The following USP28 variants were observed in gnomAD, a reference collection of about 807,000 sequenced individuals.
The protein encoded by USP28 is ubiquitin specific peptidase 28.
A neutral mutation model predicts 145.0 loss-of-function variants in USP28; 113 were observed. That is an observed-to-expected ratio of 0.78 (90% CI 0.67 to 0.91). USP28 has a LOEUF of 0.91. Ranked by LOEUF, USP28 falls within the 40% of genes least tolerant of loss-of-function variation. The pLI, the probability that USP28 is intolerant of heterozygous loss-of-function variation, is 0.00. For missense variants in USP28, 1,201 were observed against 1,289.6 expected, an observed-to-expected ratio of 0.93 and a Z score of 1.05; for synonymous variants, 447 against 450.9, an observed-to-expected ratio of 0.99 and a Z score of 0.11.
At chr11:113,811,428 C>G (rs1029499130) in intron 16 of USP28, among the ~76,000 whole-genome samples, 3 of 152,254 alleles carry the variant, frequency 2.0e-5, no homozygotes, top group Admixed American at 6.5e-5. Flanking sequence ...GGCCCCACAA[C>G]TGTAATCCCA....
chr11:113,805,196 A>C lies in USP28; in HGVS notation c.2401-150T>G, dbSNP rs1388779509. ...TACAAAAACAACTATGGAATTTTTAAGTTTCTTGCATTTCATAAGGGATGA... is the reference window on the plus strand; with the variant it reads ...TACAAAAACAACTATGGAATTTTTACGTTTCTTGCATTTCATAAGGGATGA... On this transcript the variant is annotated intron_variant, in intron 19 of 24. Coordinates refer to ENST00000003302, the Ensembl canonical transcript of USP28. The C allele has an allele frequency of 9.4e-6, 7 of 741,180 alleles. No individual in the cohort carries two copies. In the East Asian group the frequency reaches 2.0e-4, roughly 21 times the overall value. 45.9% of individuals were successfully genotyped at this position (741,180 alleles called of 1,614,324 possible).
intron 5 of USP28, 94 bp from the exon 6 acceptor site, chr11:113,834,429 A>G: frequency 1.2e-6 from 1 of 843,208 alleles, no homozygotes; most frequent in Non-Finnish European, 1.7e-6. Context: ...TTTCATATTT[A>G]AAAGTATGCA....
Position 113,840,795 on chromosome 11 carries a change from T to C in USP28, c.375-38A>G, listed in dbSNP as rs375155186. ...GCGTGCCACACAGCAAAAAAGAAAA[T>C]AGTTAAAGAATAATATAGCATATGG... On this transcript the variant is annotated intron_variant, in intron 4 of 24. Transcript: ENST00000003302. 30 of 1,588,578 alleles carry C rather than the reference T, an allele frequency of 1.9e-5. No individual in the cohort carries two copies. In the African/African-American group the frequency reaches 4.1e-4, roughly 22 times the overall value.
Position 113,801,477 on chromosome 11 carries a change from A to T in USP28, c.3058+6T>A, listed in dbSNP as rs200554152. ...ACCTCAGAATATTATTACCAAGAGCATATACCTGCAATATCTTGCCCAAGG... is the reference window on the plus strand; with the variant it reads ...ACCTCAGAATATTATTACCAAGAGCTTATACCTGCAATATCTTGCCCAAGG... On this transcript the variant is annotated splice_donor_region_variant and intron_variant, in intron 24 of 24. Coordinates refer to ENST00000003302, the Ensembl canonical transcript of USP28. 19 of 1,557,498 alleles carry T rather than the reference A, an allele frequency of 1.2e-5. No individual in the cohort carries two copies. The South Asian group carries it at 2.1e-4, about 17-fold the overall frequency.
chr11:113,875,527 C>G (rs1244010719), exon 1 of USP28: 27 of 1,149,528 alleles, frequency 2.3e-5, no homozygotes, highest in East Asian at 4.4e-5. Flanking sequence ...CCGCGGGTCA[C>G]CGGTCTCCCG....
At chr11:113,873,105 T>C (rs1246364126) in intron 1 of USP28, among the ~76,000 whole-genome samples, 1 of 152,096 alleles carries the variant, frequency 6.6e-6, no homozygotes, top group Admixed American at 6.6e-5. Flanking sequence ...GAAATATCCT[T>C]TAAGGGAAAG....
chr11:113,873,645 T>C (rs1219642796), intron 1 of USP28, among the ~76,000 whole-genome samples: 1 of 152,212 alleles, frequency 6.6e-6, no homozygotes, highest in Non-Finnish European at 1.5e-5. Flanking sequence ...ATCAATATGA[T>C]AGTCTCCAAA....
chr11:113,853,040 C>T (rs956284963), intron 2 of USP28, among the ~76,000 whole-genome samples: 3 of 152,148 alleles, frequency 2.0e-5, no homozygotes, highest in East Asian at 3.9e-4. Flanking sequence ...GTGGCTCACA[C>T]GCCTGTAATC....
chr11:113,809,514 C>A (rs1365256317), intron 16 of USP28, among the ~76,000 whole-genome samples: 1 of 152,186 alleles, frequency 6.6e-6, no homozygotes, highest in Non-Finnish European at 1.5e-5. Flanking sequence ...TAAAATCCAA[C>A]ATCTGAAATT....
intron 8 of USP28, 109 bp from the exon 9 acceptor site, chr11:113,831,052 A>G (rs1465091883): frequency 3.8e-6 from 4 of 1,052,010 alleles, no homozygotes; most frequent in African/African-American, 1.6e-5. Context: ...ATCAACCCCC[A>G]AAGAGCCAGG....
At chr11:113,869,619 T>A (rs1948622243) in intron 1 of USP28, among the ~76,000 whole-genome samples, 1 of 152,044 alleles carries the variant, frequency 6.6e-6, no homozygotes, top group Non-Finnish European at 1.5e-5. Flanking sequence ...CTCAGTTTCC[T>A]CATCAGTAAT....
intron 1 of USP28, among the ~76,000 whole-genome samples, chr11:113,867,679 G>A (rs918436694): frequency 2.0e-5 from 3 of 151,666 alleles, no homozygotes; most frequent in Non-Finnish European, 2.9e-5. Flanking sequence ...AGTACACCAC[G>A]ATCATGCCTG....
chr11:113,862,275 A>G (rs1947771397), intron 1 of USP28, among the ~76,000 whole-genome samples: 1 of 152,200 alleles, frequency 6.6e-6, no homozygotes, highest in Non-Finnish European at 1.5e-5. Context: ...TGAACCCAGG[A>G]GGCGGAGGTT....
At chr11:113,872,279 G>C (rs1461052924) in intron 1 of USP28, among the ~76,000 whole-genome samples, 1 of 152,138 alleles carries the variant, frequency 6.6e-6, no homozygotes. Flanking sequence ...GAGGTCAGGA[G>C]ATCGAGACCA....
chr11:113,860,543 G>A (rs1947552171), intron 1 of USP28, among the ~76,000 whole-genome samples: 1 of 152,164 alleles, frequency 6.6e-6, no homozygotes, highest in African/African-American at 2.4e-5. Flanking sequence ...CAGGTGCAGT[G>A]GCTCATGTCT....
intron 3 of USP28, among the ~76,000 whole-genome samples, chr11:113,845,116 C>CA (rs554416453): frequency 0.13 from 9,477 of 70,696 alleles, 409 homozygotes; most frequent in Middle Eastern, 0.29. Flanking sequence ...AGACCCTTCT[C>CA]AAAAAAAAAA....
At chr11:113,803,756 C>T in intron 22 of USP28, 42 bp downstream of exon 23, 1 of 1,539,230 alleles carries the variant, frequency 6.5e-7, no homozygotes, top group Non-Finnish European at 9.0e-7. Context: ...CAGAGAACAG[C>T]ATCCTGACTA....
chr11:113,804,285 A>G (rs1939557479), intron 21 of USP28, among the ~76,000 whole-genome samples: 1 of 152,240 alleles, frequency 6.6e-6, no homozygotes, highest in Non-Finnish European at 1.5e-5. Context: ...AGTGTGGTGA[A>G]TACACCTTGG....
At chr11:113,869,187 C>A (rs1011274562) in intron 1 of USP28, among the ~76,000 whole-genome samples, 2 of 152,158 alleles carry the variant, frequency 1.3e-5, no homozygotes, top group South Asian at 4.1e-4. Flanking sequence ...AATCCCAGCA[C>A]TTTGGGAGGC....
Sources: gnomAD v4.1 joint callset for allele counts (sites outside exome capture counted in the v4.1 genomes callset) on GRCh38, gnomAD v4.1.1 for gene constraint, MANE v1.5 for transcripts, NCBI Gene and HGNC (gene_info 2026-07-23, HGNC 2026-07-21) for gene names.